CEP128: variants seen among roughly 807,000 people sequenced by gnomAD.
The protein encoded by CEP128 is centrosomal protein 128.
A neutral mutation model predicts 156.7 loss-of-function variants in CEP128; 132 were observed. The observed-to-expected ratio is 0.84, with a 90% CI of 0.73 to 0.97. The LOEUF (loss-of-function observed/expected upper bound fraction) is 0.97, where lower values mean the gene tolerates loss of function less well. Ranked by LOEUF, CEP128 falls within the 50% of genes least tolerant of loss-of-function variation. The pLI, the probability that CEP128 is intolerant of heterozygous loss-of-function variation, is 0.00. For synonymous variants in CEP128, 469 were observed against 448.9 expected (o/e 1.04, Z -0.57); for missense variants, 1,252 against 1,281.9 (o/e 0.98, Z 0.36).
chr14:80,950,125 G>A (rs1374262921), intron 2 of CEP128, among the ~76,000 whole-genome samples: 1 of 152,118 alleles, frequency 6.6e-6, no homozygotes, highest in Admixed American at 6.5e-5. Flanking sequence ...CACACAAAGA[G>A]AACACCTGAT....
intron 8 of CEP128, among the ~76,000 whole-genome samples, chr14:80,875,032 T>C (rs1888215216): frequency 6.6e-6 from 1 of 152,170 alleles, no homozygotes; most frequent in African/African-American, 2.4e-5. Flanking sequence ...AACGACTTTT[T>C]CCCCTGAAAT....
chr14:80,954,064 T>C (rs1254841732), intron 2 of CEP128, among the ~76,000 whole-genome samples: 1 of 151,962 alleles, frequency 6.6e-6, no homozygotes, highest in Non-Finnish European at 1.5e-5. Context: ...GGTCAGGAGA[T>C]CGAGACCAGC....
At chr14:80,657,682 G>A (rs1448195630) in intron 19 of CEP128, among the ~76,000 whole-genome samples, 3 of 151,938 alleles carry the variant, frequency 2.0e-5, no homozygotes. Context: ...CTCTCAGGGG[G>A]ATAACATAAA....
chr14:80,686,157 A>C (rs1317327329), intron 19 of CEP128, among the ~76,000 whole-genome samples: 2 of 152,108 alleles, frequency 1.3e-5, no homozygotes, highest in Non-Finnish European at 2.9e-5. Flanking sequence ...CAGATTAAAC[A>C]GACAATCTAT....
At chr14:80,637,890 A>G (rs1894254491) in intron 19 of CEP128, among the ~76,000 whole-genome samples, 1 of 152,210 alleles carries the variant, frequency 6.6e-6, no homozygotes, top group Admixed American at 6.5e-5. Flanking sequence ...GCCACAAGTC[A>G]AGAAATGCCA....
intron 19 of CEP128, among the ~76,000 whole-genome samples, chr14:80,653,277 T>C (rs751296904): frequency 6.6e-6 from 1 of 152,080 alleles, no homozygotes; most frequent in Admixed American, 6.6e-5. Flanking sequence ...GGCACGTTTA[T>C]ACCTATGTAA....
intron 19 of CEP128, among the ~76,000 whole-genome samples, chr14:80,588,620 G>T (rs540282060): frequency 1.3e-5 from 2 of 152,080 alleles, no homozygotes; most frequent in African/African-American, 4.8e-5. Context: ...ACTACTAAAA[G>T]AAGTCCAAGT....
At chr14:80,556,510 G>A (rs1468310319) in intron 21 of CEP128, among the ~76,000 whole-genome samples, 2 of 152,116 alleles carry the variant, frequency 1.3e-5, no homozygotes, top group Non-Finnish European at 1.5e-5. Flanking sequence ...ATTAAAGAAA[G>A]AGAGGGAAAA....
At chr14:80,558,516 C>G (rs1431078467) in intron 21 of CEP128, among the ~76,000 whole-genome samples, 2 of 152,268 alleles carry the variant, frequency 1.3e-5, no homozygotes, top group East Asian at 3.9e-4. Context: ...TCTCGATCTC[C>G]TGACCTTGTG....
chr14:80,807,342 T>A (rs998695896), intron 13 of CEP128, among the ~76,000 whole-genome samples: 1 of 152,156 alleles, frequency 6.6e-6, no homozygotes. Flanking sequence ...AAGTTAAAAA[T>A]TTAGGTCAAT....
chr14:80,826,456 C>T (rs1292608968), intron 13 of CEP128, among the ~76,000 whole-genome samples: 1 of 151,942 alleles, frequency 6.6e-6, no homozygotes, highest in Non-Finnish European at 1.5e-5. Flanking sequence ...CTTTGGTCTC[C>T]AAAAAGGGTT....
rs1566835967 is a variant in CEP128, at chr14:80,653,596, G to GA, written c.2807-73174dup. 5.0e-3 allele frequency among the ~76,000 whole-genome samples: 757 copies of GA among 152,076 alleles called. 14 individuals carry two copies. Among genetic ancestry groups the GA allele is most frequent in the African/African-American group, 0.017 (712 of 41,516 alleles). On this transcript the variant is annotated intron_variant, in intron 19 of 24. Coordinates refer to ENST00000555265, the MANE Select transcript of CEP128 (RefSeq NM_152446.5). The stretch of plus-strand genomic sequence containing the variant: ...AAGGAGAAGTCGATGCTTGTCTTCA[G>GA]AGTTTTAAAGGACAGGCTATCTTGA...
chr14:80,615,848 C>T (rs1010904342), intron 19 of CEP128, among the ~76,000 whole-genome samples: 1 of 149,152 alleles, frequency 6.7e-6, no homozygotes, highest in Non-Finnish European at 1.5e-5. Context: ...AACTCCATCT[C>T]AAATAAATAA....
intron 21 of CEP128, among the ~76,000 whole-genome samples, chr14:80,558,049 G>GA (rs1890510501): frequency 6.6e-6 from 1 of 151,920 alleles, no homozygotes; most frequent in African/African-American, 2.4e-5. Context: ...TCAAATACTT[G>GA]AAAAACAGAA....
intron 21 of CEP128, among the ~76,000 whole-genome samples, chr14:80,540,436 G>A (rs560666597): frequency 1.4e-4 from 21 of 152,350 alleles, no homozygotes; most frequent in Admixed American, 5.2e-4. Context: ...GCCCTAAGGA[G>A]GGCACCTGTG....
chr14:80,673,061 A>C (rs1895908043), intron 19 of CEP128, among the ~76,000 whole-genome samples: 1 of 152,214 alleles, frequency 6.6e-6, no homozygotes, highest in Admixed American at 6.5e-5. Context: ...ATGTATAGTA[A>C]GACCTATATA....
At chr14:80,673,291 T>C (rs1463963519) in intron 19 of CEP128, among the ~76,000 whole-genome samples, 2 of 152,198 alleles carry the variant, frequency 1.3e-5, no homozygotes, top group African/African-American at 4.8e-5. Flanking sequence ...AGAAATATAT[T>C]ATCATTTCTT....
chr14:80,544,714 C>T (rs1278173897), intron 21 of CEP128, among the ~76,000 whole-genome samples: 1 of 152,104 alleles, frequency 6.6e-6, no homozygotes, highest in Admixed American at 6.6e-5. Context: ...TATGTGATTC[C>T]ATCATTCCTC....
chr14:80,626,239 TG>T (rs1893713024), intron 19 of CEP128, among the ~76,000 whole-genome samples: 1 of 143,700 alleles, frequency 7.0e-6, no homozygotes, highest in East Asian at 2.1e-4. Context: ...CCGAGGCGGG[TG>T]GATCATGAGG....
Sources: gnomAD v4.1 joint callset for allele counts (sites outside exome capture counted in the v4.1 genomes callset) on GRCh38, gnomAD v4.1.1 for gene constraint, MANE v1.5 for transcripts, NCBI Gene and HGNC (gene_info 2026-07-23, HGNC 2026-07-21) for gene names.